The following LIPC variants were observed in gnomAD, a reference collection of about 807,000 sequenced individuals.
The protein encoded by LIPC is lipase C, hepatic type.
Under a neutral mutation model 50.7 loss-of-function variants are expected in LIPC, and 44 were observed. That is an observed-to-expected ratio of 0.87 (90% CI 0.68 to 1.11). LIPC has a LOEUF of 1.11. LIPC is among the 50% of genes most tolerant of loss of function. The pLI, the probability that LIPC is intolerant of heterozygous loss-of-function variation, is 0.00. For missense variants in LIPC, 697 were observed against 648.2 expected (o/e 1.08, Z -0.82); for synonymous variants, 271 against 256.4 (o/e 1.06, Z -0.54).
chr15:58,554,589 A>G (rs1202154851), intron 6 of LIPC, among the ~76,000 whole-genome samples: 1 of 150,630 alleles, frequency 6.6e-6, no homozygotes, highest in Admixed American at 6.6e-5. Context: ...ACTTACAAAA[A>G]TCCAAATAAG....
intron 1 of LIPC, among the ~76,000 whole-genome samples, chr15:58,434,690 C>G (rs1893233838): frequency 6.6e-6 from 1 of 152,238 alleles, no homozygotes; most frequent in Non-Finnish European, 1.5e-5. Context: ...TGCTTGAAGC[C>G]CACATGGCAC....
At chr15:58,520,761 C>T (rs1264216516) in intron 1 of LIPC, among the ~76,000 whole-genome samples, 1 of 152,152 alleles carries the variant, frequency 6.6e-6, no homozygotes, top group African/African-American at 2.4e-5. Context: ...TGATTAATGC[C>T]GCTTAATACG....
intron 1 of LIPC, among the ~76,000 whole-genome samples, chr15:58,498,484 A>G (rs1337666302): frequency 6.6e-6 from 1 of 152,040 alleles, no homozygotes; most frequent in Non-Finnish European, 1.5e-5. Context: ...TAAAGCAGAT[A>G]TATATATATA....
At chr15:58,479,623 C>T (rs1243885096) in intron 1 of LIPC, among the ~76,000 whole-genome samples, 1 of 152,198 alleles carries the variant, frequency 6.6e-6, no homozygotes, top group Non-Finnish European at 1.5e-5. Context: ...GAAAAAAATA[C>T]TGCTTGCATC....
At chr15:58,539,059 T>C (rs1445351484) in intron 2 of LIPC, among the ~76,000 whole-genome samples, 1 of 152,206 alleles carries the variant, frequency 6.6e-6, no homozygotes, top group Non-Finnish European at 1.5e-5. Context: ...CCCAGCTCCT[T>C]CCAGTTCACT....
chr15:58,494,983 C>T (rs772120977), intron 1 of LIPC: 5 of 421,584 alleles, frequency 1.2e-5, no homozygotes, highest in Non-Finnish European at 2.4e-5. Flanking sequence ...GATCCAACAT[C>T]AACCGTTCCA....
intron 8 of LIPC, chr15:58,566,369 T>C: frequency 1.0e-6 from 1 of 985,422 alleles, no homozygotes; most frequent in South Asian, 4.7e-5. Context: ...ACATTTTAAC[T>C]TCACTGCTCA....
intron 1 of LIPC, among the ~76,000 whole-genome samples, chr15:58,451,380 G>A (rs117751896): frequency 1.4e-4 from 21 of 152,114 alleles, no homozygotes; most frequent in Non-Finnish European, 2.2e-4. Flanking sequence ...TAAGCTTCAG[G>A]GACAGCTGGA....
At chr15:58,565,471 G>A in intron 8 of LIPC, 1 of 1,405,744 alleles carries the variant, frequency 7.1e-7, no homozygotes, top group Non-Finnish European at 9.2e-7. Context: ...GCCCTTCCAG[G>A]GCTCCCACAC....
chr15:58,445,424 G>T (rs1275738154), intron 1 of LIPC, among the ~76,000 whole-genome samples: 2 of 152,234 alleles, frequency 1.3e-5, no homozygotes, highest in Admixed American at 6.5e-5. Flanking sequence ...GCCAAGGCCG[G>T]CTGCCACTTT....
chr15:58,437,110 T>G (rs778555449), intron 1 of LIPC, among the ~76,000 whole-genome samples: 3 of 152,110 alleles, frequency 2.0e-5, no homozygotes, highest in Non-Finnish European at 1.5e-5. Flanking sequence ...TTGGGGGCAA[T>G]AATGATGAAG....
At chr15:58,544,272 G>A (rs555687449) in intron 4 of LIPC, among the ~76,000 whole-genome samples, 16 of 152,178 alleles carry the variant, frequency 1.1e-4, no homozygotes, top group Admixed American at 3.3e-4. Context: ...CACATTAGGC[G>A]TATCAGCTGG....
intron 1 of LIPC, among the ~76,000 whole-genome samples, chr15:58,514,267 C>T (rs774877215): frequency 5.3e-5 from 8 of 152,118 alleles, no homozygotes; most frequent in Non-Finnish European, 1.0e-4. Context: ...GGATAGCAAT[C>T]GCTACTTCAT....
chr15:58,487,807 A>G (rs35795657), intron 1 of LIPC, among the ~76,000 whole-genome samples: 18,035 of 152,298 alleles, frequency 0.12, 1,251 homozygotes, highest in Non-Finnish European at 0.17. Context: ...AGGTACTTGC[A>G]GGGCCCGAGG....
intron 1 of LIPC, among the ~76,000 whole-genome samples, chr15:58,471,733 G>A (rs1162734762): frequency 4.6e-5 from 7 of 152,098 alleles, no homozygotes; most frequent in African/African-American, 1.7e-4. Context: ...AAATAGAAAT[G>A]CATGACTATT....
chr15:58,535,691 C>T (rs926729362), intron 1 of LIPC, among the ~76,000 whole-genome samples: 1 of 152,326 alleles, frequency 6.6e-6, no homozygotes. Flanking sequence ...ATTCTAACAA[C>T]GCTCTCTTCT....
chr15:58,568,470 T>C lies in LIPC; in HGVS notation c.1389-246T>C, dbSNP rs138823543. Among the ~76,000 whole-genome samples the C allele has an allele frequency of 3.6e-3, 551 of 152,314 alleles. 1 individual carries two copies. Among genetic ancestry groups the C allele is most frequent in the African/African-American group, 0.012 (519 of 41,570 alleles). The stretch of plus-strand genomic sequence containing the variant: ...GAACAAAGGAGGGCTGCCCCAGGAC[T>C]TTCCTTCTTACAGAACTGAAATCAC... On this transcript the variant is annotated intron_variant, in intron 8 of 8. Transcript: ENST00000299022.
intron 1 of LIPC, among the ~76,000 whole-genome samples, chr15:58,513,927 G>C (rs1490716643): frequency 6.6e-6 from 1 of 152,178 alleles, no homozygotes; most frequent in Non-Finnish European, 1.5e-5. Flanking sequence ...CCCAGCCTTT[G>C]CCAAGTTCAC....
At chr15:58,477,695 A>G (rs1257456579) in intron 1 of LIPC, among the ~76,000 whole-genome samples, 2 of 152,068 alleles carry the variant, frequency 1.3e-5, no homozygotes, top group Admixed American at 6.5e-5. Context: ...GGATGATGTA[A>G]AAGTTAGAAA....
Sources: allele counts gnomAD v4.1 joint callset (sites outside exome capture counted in the v4.1 genomes callset), GRCh38; gene constraint gnomAD v4.1.1; transcripts MANE v1.5; gene names NCBI Gene and HGNC (gene_info 2026-07-23, HGNC 2026-07-21).